CTNND2: variants seen among roughly 807,000 people sequenced by gnomAD.
The protein encoded by CTNND2 is catenin delta 2.
In CTNND2, 22 loss-of-function variants were observed where a neutral mutation model predicts 144.4. The ratio of observed to expected loss-of-function variants is 0.15; its 90% confidence interval spans 0.11 to 0.22. The LOEUF (loss-of-function observed/expected upper bound fraction) is 0.22. Among genes scored for constraint, CTNND2 ranks in the 10% least tolerant of loss-of-function variants. The probability of loss-of-function intolerance (pLI) is 1.00; values close to 1 mark genes in which losing one functional copy is unlikely to be tolerated. For synonymous variants in CTNND2, 751 were observed against 695.6 expected (o/e 1.08, Z -1.25); for missense variants, 1,353 against 1,618.8 (o/e 0.84, Z 2.82).
At chr5:11,818,393 T>C (rs1247049904) in intron 1 of CTNND2, among the ~76,000 whole-genome samples, 1 of 151,790 alleles carries the variant, frequency 6.6e-6, no homozygotes, top group Non-Finnish European at 1.5e-5. Flanking sequence ...TTTCTTTTTT[T>C]TTTTCCTCGC....
chr5:11,545,523 A>C (rs1286849885), intron 3 of CTNND2, among the ~76,000 whole-genome samples: 2 of 151,688 alleles, frequency 1.3e-5, no homozygotes, highest in Non-Finnish European at 2.9e-5. Context: ...TTAGCTGGGC[A>C]TGGTGGCGGG....
intron 1 of CTNND2, among the ~76,000 whole-genome samples, chr5:11,847,968 C>T (rs772559253): frequency 2.4e-4 from 37 of 151,708 alleles, no homozygotes; most frequent in South Asian, 8.3e-4. Flanking sequence ...AACTGGACGG[C>T]GTTTAGAATT....
intron 1 of CTNND2, among the ~76,000 whole-genome samples, chr5:11,810,750 G>A (rs1292730845): frequency 6.6e-6 from 1 of 152,124 alleles, no homozygotes; most frequent in African/African-American, 2.4e-5. Context: ...ATTAAAATGA[G>A]AAGCAATATG....
chr5:11,495,973 A>G (rs1769892573), intron 3 of CTNND2, among the ~76,000 whole-genome samples: 1 of 152,070 alleles, frequency 6.6e-6, no homozygotes, highest in African/African-American at 2.4e-5. Context: ...AGTCATTGCT[A>G]TGATGTTGTT....
chr5:11,435,393 C>T (rs1312423168), intron 3 of CTNND2, among the ~76,000 whole-genome samples: 6 of 151,990 alleles, frequency 3.9e-5, no homozygotes, highest in Admixed American at 6.6e-5. Context: ...CCGCCCTCCT[C>T]GGCCTCCCAA....
intron 2 of CTNND2, among the ~76,000 whole-genome samples, chr5:11,611,257 T>C (rs1421356288): frequency 2.0e-5 from 3 of 152,214 alleles, no homozygotes; most frequent in Non-Finnish European, 4.4e-5. Context: ...GTAGCCAAGC[T>C]GAAGTGTGAG....
In CTNND2 at chr5:11,244,238, C is replaced by T. The variant is rs541451961; in HGVS notation, c.1629-7415G>A. Among the ~76,000 whole-genome samples the T allele has an allele frequency of 8.3e-4, 125 of 151,162 alleles. 1 individual carries two copies. The Middle Eastern group carries it at 0.028, about 34-fold the overall frequency. On this transcript the variant is annotated intron_variant, in intron 9 of 21. Transcript: ENST00000304623. Reference sequence around the variant, plus strand: ...AAGTATTAATATCTTAATCCTCATTCCTGGATAGTTTGTAACTAAAAACAA... The same window carrying T: ...AAGTATTAATATCTTAATCCTCATTTCTGGATAGTTTGTAACTAAAAACAA...
At chr5:11,812,273 A>T (rs4701922) in intron 1 of CTNND2, among the ~76,000 whole-genome samples, 147,679 of 152,318 alleles carry the variant, frequency 0.97, 71,734 homozygotes, top group East Asian at 1. Flanking sequence ...TCTATTTTTA[A>T]TCTTAAGATG....
At chr5:11,879,341 G>GTATATA (rs1411823676) in intron 1 of CTNND2, among the ~76,000 whole-genome samples, 6 of 109,326 alleles carry the variant, frequency 5.5e-5, no homozygotes, top group East Asian at 2.5e-4. Context: ...TTAAATGTGT[G>GTATATA]TATATATATA....
intron 9 of CTNND2, among the ~76,000 whole-genome samples, chr5:11,310,882 T>C (rs895985481): frequency 7.0e-6 from 1 of 143,508 alleles, no homozygotes; most frequent in African/African-American, 2.6e-5. Flanking sequence ...CCATGCACCC[T>C]CACCTCACAC....
rs570434613 is a variant in CTNND2 at position 11,129,642 on chromosome 5, C to A, written c.2160-12075G>T. Among the ~76,000 whole-genome samples, 19 of 151,878 alleles carry A rather than the reference C, an allele frequency of 1.3e-4. No individual in the cohort carries two copies. In the South Asian group the frequency reaches 3.7e-3, roughly 30 times the overall value. ...ATCTTCCACTTCTGCCAGAAAAGTC[C>A]CCTGAAAACTGGAGTTTTCAGAGCT... On this transcript the variant is annotated intron_variant, in intron 12 of 21. Transcript: ENST00000304623.
chr5:11,454,929 C>A (rs549438929), intron 3 of CTNND2, among the ~76,000 whole-genome samples: 2 of 150,086 alleles, frequency 1.3e-5, no homozygotes, highest in South Asian at 4.2e-4. Flanking sequence ...GAAGAGAAAT[C>A]ATTTGGATTC....
chr5:11,038,261 C>T (rs1305321979), intron 16 of CTNND2, among the ~76,000 whole-genome samples: 1 of 152,250 alleles, frequency 6.6e-6, no homozygotes, highest in South Asian at 2.1e-4. Flanking sequence ...GGCCACACAG[C>T]AGGAGGTGAG....
intron 9 of CTNND2, among the ~76,000 whole-genome samples, chr5:11,300,415 C>T (rs1181090226): frequency 9.9e-5 from 15 of 152,238 alleles, no homozygotes; most frequent in Non-Finnish European, 1.5e-5. Flanking sequence ...ATCACTCAGG[C>T]CTTTGCAATC....
intron 16 of CTNND2, among the ~76,000 whole-genome samples, chr5:11,028,078 A>T (rs1743049814): frequency 6.6e-6 from 1 of 152,218 alleles, no homozygotes; most frequent in Non-Finnish European, 1.5e-5. Context: ...CAGGGAAGTC[A>T]CTTGAGTTCC....
intron 14 of CTNND2, among the ~76,000 whole-genome samples, chr5:11,101,463 C>A (rs1046195353): frequency 6.6e-6 from 1 of 152,184 alleles, no homozygotes; most frequent in African/African-American, 2.4e-5. Flanking sequence ...CAAGAAAAAT[C>A]ATGGGATATA....
In CTNND2 at chr5:11,685,907, G is replaced by A. The variant is rs561309401; in HGVS notation, c.174+46229C>T. ...ATTCAAATCTATCACATAAATAAGC[G>A]TAAAGATTCAAGGAAGGCCTGGCAC... On this transcript the variant is annotated intron_variant, in intron 2 of 21. Coordinates refer to ENST00000304623, the MANE Select transcript of CTNND2 (RefSeq NM_001332.4). Among the ~76,000 whole-genome samples the A allele has an allele frequency of 7.6e-4, 115 of 152,158 alleles. 3 individuals carry two copies. The South Asian group carries it at 0.019, about 25-fold the overall frequency.
intron 3 of CTNND2, among the ~76,000 whole-genome samples, chr5:11,552,630 G>A (rs1268399950): frequency 6.6e-6 from 1 of 152,132 alleles, no homozygotes; most frequent in Non-Finnish European, 1.5e-5. Flanking sequence ...TTAAAGGCAC[G>A]CCTTAAATGT....
intron 3 of CTNND2, among the ~76,000 whole-genome samples, chr5:11,488,463 T>C (rs1430955699): frequency 1.3e-5 from 2 of 152,176 alleles, no homozygotes; most frequent in Non-Finnish European, 2.9e-5. Flanking sequence ...TGCGGTTCCA[T>C]TACATATTTT....
Sources: gnomAD v4.1 joint callset for allele counts (sites outside exome capture counted in the v4.1 genomes callset) on GRCh38, gnomAD v4.1.1 for gene constraint, MANE v1.5 for transcripts, NCBI Gene and HGNC (gene_info 2026-07-23, HGNC 2026-07-21) for gene names.